The following FOCAD variants were observed in gnomAD, a reference collection of about 807,000 sequenced individuals.
The protein encoded by FOCAD is focadhesin.
FOCAD carries 198 observed loss-of-function variants against 225.6 expected under a neutral mutation model. The observed-to-expected ratio is 0.88, with a 90% confidence interval of 0.78 to 0.99. The LOEUF (loss-of-function observed/expected upper bound fraction) is 0.99, where lower values mean the gene tolerates loss of function less well. FOCAD is among the 50% of genes least tolerant of loss of function. FOCAD has a pLI of 0.00. For synonymous variants in FOCAD, 897 were observed against 755.0 expected, an observed-to-expected ratio of 1.19 and a Z score of -3.08; for missense variants, 2,713 against 2,123.6, an observed-to-expected ratio of 1.28 and a Z score of -5.46.
At chr9:20,685,209 T>C (rs1822592653) in intron 1 of FOCAD, among the ~76,000 whole-genome samples, 1 of 151,776 alleles carries the variant, frequency 6.6e-6, no homozygotes, top group Non-Finnish European at 1.5e-5. Context: ...TTTTTTTTTT[T>C]TGTTATTTTC....
intron 2 of FOCAD, among the ~76,000 whole-genome samples, chr9:20,662,183 T>C (rs1821747493): frequency 6.6e-6 from 1 of 150,578 alleles, no homozygotes; most frequent in Admixed American, 6.6e-5. Flanking sequence ...AGTGGAAATA[T>C]ATGTGTGTGT....
chr9:20,946,943 C>T, intron 30 of FOCAD, 123 bp downstream of exon 30: 1 of 1,228,734 alleles, frequency 8.1e-7, no homozygotes, highest in Non-Finnish European at 1.1e-6. Flanking sequence ...TGAGGAACTT[C>T]TAACTATTCT....
At chr9:20,957,519 G>C (rs1256243003) in intron 35 of FOCAD, 1 of 83,502 alleles carries the variant, frequency 1.2e-5, no homozygotes, top group African/African-American at 4.7e-5. Flanking sequence ...CTGACGCCCA[G>C]GCTAGAGTGC....
intron 27 of FOCAD, among the ~76,000 whole-genome samples, chr9:20,932,316 C>G (rs1274403151): frequency 6.6e-6 from 1 of 152,116 alleles, no homozygotes; most frequent in Non-Finnish European, 1.5e-5. Context: ...ATTCCACTTA[C>G]CATGATCTGA....
At chr9:20,814,031 G>C (rs1823373688) in intron 11 of FOCAD, among the ~76,000 whole-genome samples, 1 of 151,928 alleles carries the variant, frequency 6.6e-6, no homozygotes, top group African/African-American at 2.4e-5. Context: ...CTGTCTTTTG[G>C]TTACCATTTG....
intron 4 of FOCAD, 43 bp from the exon 5 acceptor site, chr9:20,740,193 C>A: frequency 8.1e-7 from 1 of 1,241,334 alleles, no homozygotes; most frequent in South Asian, 1.3e-5. Flanking sequence ...TTAGAATATT[C>A]ACTTTTTATC....
chr9:20,764,596 T>C lies in FOCAD; in HGVS notation c.495-273T>C, dbSNP rs116685520. Among the ~76,000 whole-genome samples the C allele has an allele frequency of 2.8e-3, 426 of 152,316 alleles. 1 individual carries two copies. Among genetic ancestry groups the C allele is most frequent in the African/African-American group, 9.8e-3 (409 of 41,570 alleles). On this transcript the variant is annotated intron_variant, in intron 6 of 43. Coordinates refer to ENST00000338382, the MANE Select transcript of FOCAD (RefSeq NM_001375567.1). ...TCACTAAACACTGATTTCAGAGATG[T>C]AGTTGCTATTCTAATGTGCAAATAG...
At chr9:20,676,722 C>T (rs1354813699) in intron 2 of FOCAD, among the ~76,000 whole-genome samples, 3 of 152,118 alleles carry the variant, frequency 2.0e-5, no homozygotes, top group African/African-American at 7.2e-5. Flanking sequence ...AATTTTCAAA[C>T]ATCAAAATCC....
At chr9:20,887,900 A>G (rs922255463) in intron 21 of FOCAD, among the ~76,000 whole-genome samples, 2 of 152,112 alleles carry the variant, frequency 1.3e-5, no homozygotes, top group African/African-American at 4.8e-5. Flanking sequence ...GAGTAGTATT[A>G]GTTTCCCTTT....
At chr9:20,844,384 A>G (rs1443698581) in intron 15 of FOCAD, among the ~76,000 whole-genome samples, 1 of 109,946 alleles carries the variant, frequency 9.1e-6, no homozygotes, top group Non-Finnish European at 1.7e-5. Flanking sequence ...TTGTTGAGAC[A>G]GAGTCTCACT....
chr9:20,756,338 G>A (rs1316195647), intron 5 of FOCAD, among the ~76,000 whole-genome samples: 2 of 152,086 alleles, frequency 1.3e-5, no homozygotes, highest in Non-Finnish European at 2.9e-5. Context: ...CAAACTGTGT[G>A]GTAGTGTCAG....
chr9:20,951,088 T>G lies in FOCAD; in HGVS notation c.4041T>G (p.Ser1347Arg). The part of the protein sequence containing the change: ...LHLSTLSSSQ[S>R]RASVPTDYSY... ...TATCTACTCTATCCTCAAGTCAAAGTAGAGCCTCTGGTAAGATTAAAGTCA... is the reference window on the plus strand; with the variant it reads ...TATCTACTCTATCCTCAAGTCAAAGGAGAGCCTCTGGTAAGATTAAAGTCA... Residue 1347 changes from serine (S) to arginine (R), a missense_variant, in exon 34 of 44, where the codon AGT becomes AGG. By Grantham distance (110) the Ser-to-Arg change is moderately radical. Transcript: ENST00000338382. 2 of 1,612,908 alleles carry G rather than the reference T, an allele frequency of 1.2e-6. No individual in the cohort carries two copies. Among genetic ancestry groups the G allele is most frequent in the Non-Finnish European group, 8.5e-7 (1 of 1,178,990 alleles).
chr9:20,973,537 C>T (rs1293612341), intron 35 of FOCAD, among the ~76,000 whole-genome samples: 1 of 146,188 alleles, frequency 6.8e-6, no homozygotes. Context: ...AGCATCTGTT[C>T]ATGGCCTCTG....
intron 2 of FOCAD, among the ~76,000 whole-genome samples, chr9:20,672,493 C>G (rs1222530741): frequency 6.6e-6 from 1 of 152,188 alleles, no homozygotes; most frequent in Admixed American, 6.5e-5. Context: ...CTCTGTCGCC[C>G]AGGCTGGAGT....
intron 5 of FOCAD, among the ~76,000 whole-genome samples, chr9:20,750,326 C>T (rs12377913): frequency 3.9e-5 from 6 of 152,162 alleles, no homozygotes; most frequent in Non-Finnish European, 2.9e-5. Flanking sequence ...AGCTTTCATG[C>T]TGCTTATGCT....
At chr9:20,732,918 G>A (rs1244357477) in intron 4 of FOCAD, among the ~76,000 whole-genome samples, 4 of 152,118 alleles carry the variant, frequency 2.6e-5, no homozygotes, top group Admixed American at 6.5e-5. Flanking sequence ...CAGGTGTGTC[G>A]GGGGAGAGCA....
At chr9:20,759,158 G>A (rs1335708121) in intron 6 of FOCAD, among the ~76,000 whole-genome samples, 1 of 152,162 alleles carries the variant, frequency 6.6e-6, no homozygotes, top group Non-Finnish European at 1.5e-5. Context: ...CTCATGGGTA[G>A]GAAGAATCAA....
At chr9:20,887,079 C>T (rs1328186693) in intron 21 of FOCAD, among the ~76,000 whole-genome samples, 2 of 152,162 alleles carry the variant, frequency 1.3e-5, no homozygotes, top group African/African-American at 4.8e-5. Flanking sequence ...TTACTCTAAG[C>T]TCTCTTAAAT....
intron 19 of FOCAD, among the ~76,000 whole-genome samples, chr9:20,879,149 A>T (rs10964746): frequency 6.6e-6 from 1 of 152,166 alleles, no homozygotes; most frequent in Non-Finnish European, 1.5e-5. Flanking sequence ...CCAAGTTGAC[A>T]CTTAAGTTCA....
Sources: allele counts gnomAD v4.1 joint callset (sites outside exome capture counted in the v4.1 genomes callset), GRCh38; gene constraint gnomAD v4.1.1; transcripts MANE v1.5; gene names NCBI Gene and HGNC (gene_info 2026-07-23, HGNC 2026-07-21).